TLN2: variants seen among roughly 807,000 people sequenced by gnomAD.
TLN2 encodes talin 2.
In TLN2, 118 loss-of-function variants were observed where a neutral mutation model predicts 294.7. That is an observed-to-expected ratio of 0.40 (90% CI 0.34 to 0.47). The LOEUF (loss-of-function observed/expected upper bound fraction) is 0.47, where lower values mean the gene tolerates loss of function less well. Ranked by LOEUF, TLN2 falls within the 20% of genes least tolerant of loss-of-function variation. The pLI is 0.84. For synonymous variants in TLN2, 1,431 were observed against 1,304.5 expected (o/e 1.10, Z -2.09); for missense variants, 3,083 against 3,282.2 (o/e 0.94, Z 1.48).
At chr15:62,606,985 C>T (rs2047507841) in intron 2 of TLN2, among the ~76,000 whole-genome samples, 1 of 152,102 alleles carries the variant, frequency 6.6e-6, no homozygotes, top group South Asian at 2.1e-4. Flanking sequence ...CATCATCCTC[C>T]TCCTCACCAT....
chr15:62,675,339 G>C lies in TLN2; in HGVS notation c.957+18G>C, dbSNP rs1397459836. ...TGGTGAAGGTGAGTTGGGCAGAATG[G>C]GGAGAGTGTTCACCTTGGCCCCTTC... On this transcript the variant is annotated intron_variant, in intron 11 of 58. Transcript: ENST00000636159. 6.2e-7 allele frequency: 1 copy of C among 1,612,756 alleles called. No homozygotes were observed. Among genetic ancestry groups the C allele is most frequent in the South Asian group, 1.1e-5 (1 of 91,032 alleles).
intron 3 of TLN2, among the ~76,000 whole-genome samples, chr15:62,630,364 C>T (rs2049676351): frequency 6.6e-6 from 1 of 152,182 alleles, no homozygotes; most frequent in South Asian, 2.1e-4. Flanking sequence ...GCCACTCAGA[C>T]ATTTTTGGTG....
intron 1 of TLN2, among the ~76,000 whole-genome samples, chr15:62,474,970 A>G (rs1338004507): frequency 2.6e-5 from 4 of 152,154 alleles, no homozygotes; most frequent in African/African-American, 9.7e-5. Flanking sequence ...AAATGACCTC[A>G]CTGCCTGAGT....
chr15:62,764,882 G>T (rs931210105), intron 40 of TLN2, among the ~76,000 whole-genome samples: 1 of 151,194 alleles, frequency 6.6e-6, no homozygotes, highest in East Asian at 1.9e-4. Flanking sequence ...CAGGAGAATT[G>T]CTTGAATGTG....
intron 1 of TLN2, among the ~76,000 whole-genome samples, chr15:62,479,225 T>C (rs2037948589): frequency 1.3e-5 from 2 of 152,218 alleles, no homozygotes; most frequent in East Asian, 1.9e-4. Flanking sequence ...TGTGCCTGTG[T>C]GCATTTACCT....
chr15:62,681,982 T>C (rs966223691), intron 11 of TLN2, among the ~76,000 whole-genome samples: 2 of 152,198 alleles, frequency 1.3e-5, no homozygotes, highest in Admixed American at 6.5e-5. Context: ...CTTGAGCTCC[T>C]GGCTTCAAGT....
chr15:62,498,872 A>G (rs1411308216), intron 1 of TLN2, among the ~76,000 whole-genome samples: 1 of 152,230 alleles, frequency 6.6e-6, no homozygotes, highest in African/African-American at 2.4e-5. Flanking sequence ...AAAGGAATTT[A>G]CCCACTCTAA....
In TLN2 at chr15:62,530,178, G is replaced by C. The variant is rs186049646; in HGVS notation, c.-237-59509G>C. On this transcript the variant is annotated intron_variant, in intron 1 of 58. Transcript: ENST00000636159. ...TGCACTCCAGCCTGGGTGACAGAGC[G>C]AGACTCTGTCTCAAAAGATAAATAA... Among the ~76,000 whole-genome samples the C allele has an allele frequency of 2.6e-5, 4 of 152,244 alleles. No homozygotes were observed. The Middle Eastern group carries it at 0.01, about 388-fold the overall frequency.
chr15:62,801,241 C>T (rs1302953303), intron 50 of TLN2, among the ~76,000 whole-genome samples: 1 of 152,132 alleles, frequency 6.6e-6, no homozygotes, highest in Non-Finnish European at 1.5e-5. Context: ...CTTTAAAATC[C>T]AGCTTCTTTC....
At chr15:62,784,187 T>C (rs1476689709) in intron 45 of TLN2, 1 of 415,152 alleles carries the variant, frequency 2.4e-6, no homozygotes. Flanking sequence ...CACCTGTCTC[T>C]TTTAGCATGC....
intron 1 of TLN2, among the ~76,000 whole-genome samples, chr15:62,525,636 G>A (rs961156152): frequency 6.6e-6 from 1 of 152,210 alleles, no homozygotes; most frequent in Non-Finnish European, 1.5e-5. Context: ...GTCAATGTTG[G>A]TTTCCTCCAC....
intron 22 of TLN2, among the ~76,000 whole-genome samples, chr15:62,714,471 G>T (rs1313180028): frequency 1.3e-5 from 2 of 151,976 alleles, no homozygotes; most frequent in African/African-American, 4.8e-5. Flanking sequence ...CAAAGTGCTG[G>T]GATTACAGGT....
At chr15:62,819,707 G>C in intron 53 of TLN2, 86 bp downstream of exon 53, 1 of 1,209,676 alleles carries the variant, frequency 8.3e-7, no homozygotes, top group Non-Finnish European at 1.2e-6. Context: ...AAGCACAGAC[G>C]GCAATGGCCT....
chr15:62,707,336 C>T, intron 20 of TLN2, 83 bp downstream of exon 20: 6 of 1,445,980 alleles, frequency 4.1e-6, no homozygotes, highest in Non-Finnish European at 5.5e-6. Context: ...GTAGCAGGGG[C>T]AGAATTTGTT....
Position 62,631,478 on chromosome 15 carries a change from CTT to C in TLN2, c.-37+13006_-37+13007del, listed in dbSNP as rs1491270914. 2.0e-5 allele frequency among the ~76,000 whole-genome samples: 3 copies of C among 150,542 alleles called. 1 individual carries two copies. The highest frequency in any genetic ancestry group is 4.4e-5 in the Non-Finnish European group (3 of 67,654). Reference sequence around the variant, plus strand: ...TCTCTTTCTTTCTCTCTCTCTTCCTCTTTTCTTTCTTTCTTTCTTCCTCTTTT... The same window carrying C: ...TCTCTTTCTTTCTCTCTCTCTTCCTCTTCTTTCTTTCTTTCTTCCTCTTTT... On this transcript the variant is annotated intron_variant, in intron 3 of 58. Coordinates refer to ENST00000636159, the MANE Select transcript of TLN2 (RefSeq NM_015059.3).
chr15:62,694,092 G>A (rs761893267), intron 13 of TLN2, among the ~76,000 whole-genome samples: 6 of 150,850 alleles, frequency 4.0e-5, no homozygotes, highest in East Asian at 2.0e-4. Flanking sequence ...CTCAGCTTCC[G>A]GTGTAGCTGG....
At chr15:62,751,896 C>T (rs2061958914) in intron 34 of TLN2, among the ~76,000 whole-genome samples, 1 of 152,222 alleles carries the variant, frequency 6.6e-6, no homozygotes, top group Non-Finnish European at 1.5e-5. Context: ...TTAAATTTTA[C>T]TGTCAGTAAC....
At chr15:62,571,670 A>G (rs2043869177) in intron 1 of TLN2, among the ~76,000 whole-genome samples, 2 of 152,164 alleles carry the variant, frequency 1.3e-5, no homozygotes, top group Non-Finnish European at 2.9e-5. Context: ...GTACCAGCTT[A>G]TCTCCAATTT....
intron 55 of TLN2, 102 bp downstream of exon 55, chr15:62,833,731 T>G (rs1272703977): frequency 6.7e-7 from 1 of 1,483,542 alleles, no homozygotes; most frequent in Non-Finnish European, 8.9e-7. Context: ...AGGAAACACA[T>G]GCAGTGCCTT....
Sources: allele counts gnomAD v4.1 joint callset (sites outside exome capture counted in the v4.1 genomes callset), GRCh38; gene constraint gnomAD v4.1.1; transcripts MANE v1.5; gene names NCBI Gene and HGNC (gene_info 2026-07-23, HGNC 2026-07-21).